Variants in VSTM4 observed in about 807,000 individuals in gnomAD.
The protein encoded by VSTM4 is V-set and transmembrane domain containing 4, also known as V-set and transmembrane domain-containing protein 4.
A neutral mutation model predicts 36.4 loss-of-function variants in VSTM4; 20 were observed. That is an observed-to-expected ratio of 0.55 (90% CI 0.39 to 0.80). The LOEUF is 0.80. Among genes scored for constraint, VSTM4 ranks in the 30% least tolerant of loss-of-function variants. VSTM4 has a pLI of 0.00. For synonymous variants in VSTM4, 182 were observed against 173.9 expected (o/e 1.05, Z -0.37); for missense variants, 392 against 404.5 (o/e 0.97, Z 0.26).
intron 4 of VSTM4, among the ~76,000 whole-genome samples, chr10:49,070,252 C>CAAAAAA (rs780515012): frequency 0.012 from 271 of 21,726 alleles, 31 homozygotes; most frequent in Non-Finnish European, 0.018. Context: ...GACTCCGTCT[C>CAAAAAA]AAAAAAAAAA....
intron 2 of VSTM4, chr10:49,103,842 A>T: frequency 1.2e-6 from 2 of 1,614,056 alleles, no homozygotes; most frequent in Non-Finnish European, 1.7e-6. Flanking sequence ...TCCCCTCTCC[A>T]CTGGATGGCT....
intron 7 of VSTM4, among the ~76,000 whole-genome samples, chr10:49,029,624 A>T (rs1239278513): frequency 6.6e-6 from 1 of 152,252 alleles, no homozygotes; most frequent in African/African-American, 2.4e-5. Context: ...CCTTGTATCC[A>T]GGTGAGCAGA....
At chr10:49,114,869 T>A (rs1844962367) in intron 1 of VSTM4, among the ~76,000 whole-genome samples, 1 of 152,110 alleles carries the variant, frequency 6.6e-6, no homozygotes, top group Admixed American at 6.5e-5. Flanking sequence ...CAAAGCAGGG[T>A]GCTGGTGGAG....
chr10:49,105,314 A>T, intron 2 of VSTM4, among the ~76,000 whole-genome samples: 1 of 87,528 alleles, frequency 1.1e-5, no homozygotes, highest in East Asian at 3.0e-4. Context: ...GAAGAGACAG[A>T]GAAAGAGAGA....
At chr10:49,072,285 T>C (rs1590106751) in intron 4 of VSTM4, among the ~76,000 whole-genome samples, 2 of 152,266 alleles carry the variant, frequency 1.3e-5, no homozygotes, top group South Asian at 2.1e-4. Context: ...GTCAGCCCCA[T>C]GGCCCAAACC....
At chr10:49,066,815 TATGAA>T (rs1805009435) in intron 4 of VSTM4, among the ~76,000 whole-genome samples, 1 of 152,116 alleles carries the variant, frequency 6.6e-6, no homozygotes, top group South Asian at 2.1e-4. Context: ...AACAGACACT[TATGAA>T]ATGAGGAAAT....
At chr10:49,066,466 G>A (rs1438391385) in intron 4 of VSTM4, among the ~76,000 whole-genome samples, 1 of 152,170 alleles carries the variant, frequency 6.6e-6, no homozygotes. Context: ...AAATCATGAT[G>A]TGACTTTTGA....
chr10:49,081,715 C>T (rs1176579352), intron 3 of VSTM4, among the ~76,000 whole-genome samples: 2 of 152,192 alleles, frequency 1.3e-5, no homozygotes, highest in African/African-American at 2.4e-5. Flanking sequence ...CTCAGCTGGC[C>T]GCCAAACACA....
chr10:49,014,704 TG>T lies in VSTM4; in HGVS notation c.*4945del, dbSNP rs1187625811. ...CTTAACCTCTATTCTCCCTGCCCTCTGCAGAGTTCACACTGCAGATCCCTTC... is the reference window on the plus strand; with the variant it reads ...CTTAACCTCTATTCTCCCTGCCCTCTCAGAGTTCACACTGCAGATCCCTTC... On this transcript the variant is annotated 3_prime_UTR_variant, in exon 8 of 8. Transcript: ENST00000332853. The T allele has an allele frequency of 3.3e-5, 5 of 152,238 alleles. No homozygotes were observed. Among genetic ancestry groups the T allele is most frequent in the African/African-American group, 1.2e-4 (5 of 41,446 alleles). 9.4% of individuals were successfully genotyped at this position (152,238 alleles called of 1,614,324 possible).
intron 4 of VSTM4, among the ~76,000 whole-genome samples, chr10:49,070,874 T>C (rs1011348638): frequency 6.6e-6 from 1 of 152,190 alleles, no homozygotes; most frequent in Non-Finnish European, 1.5e-5. Context: ...GAATGAGTCC[T>C]TCCTCCTCTC....
At chr10:49,032,780 C>T (rs371377211) in intron 7 of VSTM4, among the ~76,000 whole-genome samples, 7 of 152,022 alleles carry the variant, frequency 4.6e-5, no homozygotes, top group Admixed American at 6.6e-5. Context: ...CTGGGTTCTG[C>T]TGCTTGGAGT....
intron 7 of VSTM4, among the ~76,000 whole-genome samples, chr10:49,020,174 C>T (rs1228671826): frequency 6.6e-6 from 1 of 152,088 alleles, no homozygotes; most frequent in Non-Finnish European, 1.5e-5. Flanking sequence ...ACTAGAACGC[C>T]ACCACTTAGA....
intron 7 of VSTM4, 119 bp from the exon 8 acceptor site, chr10:49,019,894 G>T: frequency 7.6e-7 from 1 of 1,309,848 alleles, no homozygotes; most frequent in Non-Finnish European, 1.0e-6. Context: ...AGGGATAAGT[G>T]GACAAGAAAT....
At position 49,024,293 on chromosome 10, in the gene VSTM4, A is replaced by C. The variant is rs186508047; in HGVS notation, c.838-4518T>G. 7.9e-4 allele frequency among the ~76,000 whole-genome samples: 120 copies of C among 152,320 alleles called. 1 individual carries two copies. The highest frequency in any genetic ancestry group is 2.7e-3 in the African/African-American group (113 of 41,572). ...ACTTTTCATATTAGAAAACTACCAG[A>C]CAGGGAGAAAACTACCAGCCAGTGA... On this transcript the variant is annotated intron_variant, in intron 7 of 7. Coordinates refer to ENST00000332853, the MANE Select transcript of VSTM4 (RefSeq NM_001031746.5).
At chr10:49,066,571 A>G (rs1453333723) in intron 4 of VSTM4, among the ~76,000 whole-genome samples, 1 of 152,204 alleles carries the variant, frequency 6.6e-6, no homozygotes, top group African/African-American at 2.4e-5. Flanking sequence ...TTCAGAGCTA[A>G]TATCTATTAA....
At chr10:49,077,644 C>G (rs1844203968) in intron 3 of VSTM4, among the ~76,000 whole-genome samples, 2 of 152,164 alleles carry the variant, frequency 1.3e-5, no homozygotes, top group South Asian at 4.1e-4. Flanking sequence ...TAAACCTCAC[C>G]TTTTATTCAA....
chr10:49,115,287 G>T, intron 1 of VSTM4, 144 bp downstream of exon 1: 1 of 463,092 alleles, frequency 2.2e-6, no homozygotes, highest in Non-Finnish European at 2.8e-6. Context: ...GCCCACCGGA[G>T]CGCGCTGGCG....
At chr10:49,106,087 T>A (rs1389279418) in intron 2 of VSTM4, among the ~76,000 whole-genome samples, 1 of 152,188 alleles carries the variant, frequency 6.6e-6, no homozygotes, top group Non-Finnish European at 1.5e-5. Flanking sequence ...TTATAAACAT[T>A]ACAACAAGCA....
chr10:49,054,167 C>T (rs1843740704), intron 5 of VSTM4, among the ~76,000 whole-genome samples: 1 of 152,106 alleles, frequency 6.6e-6, no homozygotes, highest in African/African-American at 2.4e-5. Flanking sequence ...CTTCCTCTGG[C>T]CCTGAAGCAA....
Sources: allele counts gnomAD v4.1 joint callset (sites outside exome capture counted in the v4.1 genomes callset), GRCh38; gene constraint gnomAD v4.1.1; transcripts MANE v1.5; gene names NCBI Gene and HGNC (gene_info 2026-07-23, HGNC 2026-07-21).